Variants in YWHAQ observed in about 807,000 individuals in gnomAD.
The protein encoded by YWHAQ is tyrosine 3-monooxygenase/tryptophan 5-monooxygenase activation protein theta.
In YWHAQ, 6 loss-of-function variants were observed where a neutral mutation model predicts 28.3. The observed-to-expected ratio is 0.21, with a 90% confidence interval of 0.12 to 0.42. The LOEUF (loss-of-function observed/expected upper bound fraction) is 0.42. Ranked by LOEUF, YWHAQ falls within the 10% of genes least tolerant of loss-of-function variation. YWHAQ has a pLI of 1.00. For synonymous variants in YWHAQ, 143 were observed against 119.1 expected (o/e 1.20, Z -1.31); for missense variants, 201 against 305.6 (o/e 0.66, Z 2.55).
chr2:9,630,256 T>C lies in YWHAQ; in HGVS notation c.197A>G (p.Glu66Gly). 6.2e-7 allele frequency: 1 copy of C among 1,614,168 alleles called. No individual in the cohort carries two copies. Among genetic ancestry groups the C allele is most frequent in the Non-Finnish European group, 8.5e-7 (1 of 1,180,042 alleles). Reference protein sequence around the residue: ...RSAWRVISSIEQKTDTSDKKL... With the variant: ...RSAWRVISSIGQKTDTSDKKL... ...CTTGTCGGAGGTGTCGGTCTTCTGC[T>C]CGATGCTAGAGATGACCCTCCAGGC... The change falls in exon 2 of 6, where the codon GAG (glutamate) becomes GGG (glycine). Residue 66 changes from glutamate to glycine, a missense_variant. Around this residue, in one of 2 missense-constraint regions of YWHAQ, gnomAD observed 162 missense variants for 213.9 expected, o/e 0.76. Coordinates refer to ENST00000238081, the MANE Select transcript of YWHAQ (RefSeq NM_006826.4). The surrounding 1 kb of genome is among the most constrained non-coding windows in gnomAD (Gnocchi z 5.6).
At chr2:9,594,744 T>A (rs1189414088) in intron 2 of YWHAQ, among the ~76,000 whole-genome samples, 1 of 152,226 alleles carries the variant, frequency 6.6e-6, no homozygotes, top group Non-Finnish European at 1.5e-5. Context: ...TAGTGCTCTG[T>A]TAACTGTGGT....
intron 2 of YWHAQ, chr2:9,628,591 T>C (rs1667292521): frequency 1.3e-5 from 2 of 152,188 alleles, no homozygotes; most frequent in African/African-American, 2.4e-5. Context: ...GTATCCAAAA[T>C]ACATACATAG....
chr2:9,597,391 T>A (rs1007101127), intron 2 of YWHAQ, among the ~76,000 whole-genome samples: 1 of 152,180 alleles, frequency 6.6e-6, no homozygotes, highest in Non-Finnish European at 1.5e-5. Flanking sequence ...CTCACGCCTA[T>A]AATGCCAGCA....
At chr2:9,616,456 A>G (rs1295970186) in intron 2 of YWHAQ, among the ~76,000 whole-genome samples, 1 of 152,002 alleles carries the variant, frequency 6.6e-6, no homozygotes, top group Non-Finnish European at 1.5e-5. Context: ...AAAAAAAAAA[A>G]AAGGACTTCA....
At chr2:9,608,392 G>C (rs1288726333) in intron 2 of YWHAQ, among the ~76,000 whole-genome samples, 1 of 152,184 alleles carries the variant, frequency 6.6e-6, no homozygotes, top group Non-Finnish European at 1.5e-5. Context: ...TCATCGCTGA[G>C]AAGTAGCCAG....
At chr2:9,610,381 T>TA (rs776741424) in intron 2 of YWHAQ, among the ~76,000 whole-genome samples, 18 of 152,216 alleles carry the variant, frequency 1.2e-4, no homozygotes, top group Non-Finnish European at 2.4e-4. Flanking sequence ...TTAAATGAGT[T>TA]AACACAAACT....
At position 9,630,183 on chromosome 2, in the gene YWHAQ, C is replaced by T; in HGVS notation, c.270G>A (p.Leu90=). 1.2e-6 allele frequency: 2 copies of T among 1,613,804 alleles called. No homozygotes were observed. The highest frequency in any genetic ancestry group is 2.2e-5 in the East Asian group (1 of 44,884). Residue 90 remains leucine (L), a synonymous_variant, in exon 2 of 6, where the codon CTG becomes CTA. Transcript: ENST00000238081. The surrounding 1 kb of genome is among the most constrained non-coding windows in gnomAD (Gnocchi z 5.6). ...CCAGCACCGTGGTGCAGATGGATCT[C>T]AGCTCGGACTCCACTTTCTCCCGAT... is the stretch of plus-strand genomic sequence containing the variant. The part of the protein sequence containing the change: ...KDYREKVESE[L]RSICTTVLEL...
intron 4 of YWHAQ, 41 bp from the exon 5 acceptor site, chr2:9,587,550 C>A: frequency 6.6e-7 from 1 of 1,524,312 alleles, no homozygotes; most frequent in Non-Finnish European, 8.9e-7. Flanking sequence ...TGTGCATTGA[C>A]GAAAACTGGT....
At chr2:9,609,729 G>GT (rs1277761310) in intron 2 of YWHAQ, among the ~76,000 whole-genome samples, 1 of 152,212 alleles carries the variant, frequency 6.6e-6, no homozygotes, top group Non-Finnish European at 1.5e-5. Flanking sequence ...AAACAATCAA[G>GT]TAAGTATCTT....
intron 2 of YWHAQ, among the ~76,000 whole-genome samples, chr2:9,612,950 C>T (rs1039018963): frequency 1.3e-5 from 2 of 152,174 alleles, no homozygotes; most frequent in Non-Finnish European, 2.9e-5. Context: ...TACCAACAAA[C>T]AATAAACATG....
intron 2 of YWHAQ, chr2:9,628,710 T>A (rs962587531): frequency 1.3e-5 from 2 of 152,224 alleles, no homozygotes; most frequent in South Asian, 2.1e-4. Context: ...TACTTTCAAG[T>A]TGGCAAAATT....
At chr2:9,594,760 T>G (rs530508041) in intron 2 of YWHAQ, among the ~76,000 whole-genome samples, 6 of 152,186 alleles carry the variant, frequency 3.9e-5, no homozygotes, top group Non-Finnish European at 5.9e-5. Context: ...GTGGTAGATT[T>G]GTAAGAGCAG....
intron 3 of YWHAQ, 118 bp downstream of exon 3, chr2:9,591,274 T>TA: frequency 8.1e-7 from 1 of 1,240,340 alleles, no homozygotes; most frequent in Non-Finnish European, 1.1e-6. Flanking sequence ...TTTCTTGACA[T>TA]ACATTCAATT....
intron 2 of YWHAQ, among the ~76,000 whole-genome samples, chr2:9,602,830 A>T (rs1239666910): frequency 3.0e-4 from 7 of 22,980 alleles, no homozygotes; most frequent in Non-Finnish European, 3.8e-4. Flanking sequence ...TGCCTAATTT[A>T]AAAAAAAAAA....
intron 2 of YWHAQ, among the ~76,000 whole-genome samples, chr2:9,593,684 T>C (rs978751493): frequency 4.0e-5 from 6 of 151,672 alleles, no homozygotes; most frequent in Admixed American, 2.6e-4. Flanking sequence ...TTAAAAAAAT[T>C]AGGTGTGGTG....
At chr2:9,598,011 T>TTTTTG (rs1397521514) in intron 2 of YWHAQ, among the ~76,000 whole-genome samples, 1 of 137,102 alleles carries the variant, frequency 7.3e-6, no homozygotes, top group Non-Finnish European at 1.6e-5. Context: ...TTTTTTTTTT[T>TTTTTG]TTAGTAGAGA....
intron 2 of YWHAQ, among the ~76,000 whole-genome samples, chr2:9,629,655 G>A (rs553547332): frequency 2.0e-5 from 3 of 152,104 alleles, no homozygotes; most frequent in East Asian, 3.8e-4. Flanking sequence ...GGGGGTGGGG[G>A]GGAGCACAAC....
chr2:9,628,934 T>A (rs1667298430), intron 2 of YWHAQ: 1 of 152,118 alleles, frequency 6.6e-6, no homozygotes, highest in Admixed American at 6.5e-5. Flanking sequence ...TTTGTCCGGA[T>A]CGCCTGTCAT....
At chr2:9,625,726 G>A (rs1360195419) in intron 2 of YWHAQ, among the ~76,000 whole-genome samples, 2 of 152,160 alleles carry the variant, frequency 1.3e-5, no homozygotes, top group African/African-American at 4.8e-5. Context: ...AGTGTTTAGT[G>A]TGCAGTGAAT....
Sources: gnomAD v4.1 joint callset for allele counts (sites outside exome capture counted in the v4.1 genomes callset) on GRCh38, gnomAD v4.1.1 for gene constraint, gnomAD v4.1.1 regional missense constraint, Gnocchi (gnomAD v3.1) non-coding constraint, MANE v1.5 for transcripts, NCBI Gene and HGNC (gene_info 2026-07-23, HGNC 2026-07-21) for gene names.